Variants in MTTP observed in about 807,000 individuals in gnomAD.
MTTP encodes microsomal triglyceride transfer protein large subunit.
In MTTP, 49 loss-of-function variants were observed where a neutral mutation model predicts 90.6. That is an observed-to-expected ratio of 0.54 (90% confidence interval 0.43 to 0.69). The LOEUF is 0.69. Ranked by LOEUF, MTTP falls within the 30% of genes least tolerant of loss-of-function variation. The pLI is 0.00. For missense variants in MTTP, 945 were observed against 1,067.5 expected (o/e 0.89, Z 1.60); for synonymous variants, 347 against 384.2 (o/e 0.90, Z 1.13).
rs1196401146 is a variant in MTTP, at chr4:99,612,957, C to A, written c.2034C>A (p.Thr678=). The A allele has an allele frequency of 1.9e-6, 3 of 1,613,850 alleles. No individual in the cohort carries two copies. Among genetic ancestry groups the A allele is most frequent in the Non-Finnish European group, 2.5e-6 (3 of 1,179,944 alleles). ...GACTGGAAGCCTTAATCGCAGCCAC[C>A]CCTGACGAGGGGGAGGAGAACCTTG... ...AQGLEALIAA[T]PDEGEENLDS... is the part of the protein sequence containing the mutation. The change falls in exon 15 of 18, where the codon ACC becomes ACA. Residue 678 remains threonine (T), a synonymous_variant. Transcript: ENST00000265517.
chr4:99,622,896 C>A lies in MTTP; in HGVS notation c.*48C>A. The A allele has an allele frequency of 6.4e-7, 1 of 1,572,484 alleles. No individual in the cohort carries two copies. Among genetic ancestry groups the A allele is most frequent in the Non-Finnish European group, 8.8e-7 (1 of 1,142,314 alleles). Reference sequence around the variant, plus strand: ...TGAATTTGTCTCCCCGAAAGGGACACAATGTGGCATGACTAAGTACTTGCT... The same window carrying A: ...TGAATTTGTCTCCCCGAAAGGGACAAAATGTGGCATGACTAAGTACTTGCT... On this transcript the variant is annotated 3_prime_UTR_variant, in exon 18 of 18. Coordinates refer to ENST00000265517, the MANE Select transcript of MTTP (RefSeq NM_001386140.1).
At chr4:99,568,816 C>A (rs891483903) in intron 1 of MTTP, among the ~76,000 whole-genome samples, 1 of 152,044 alleles carries the variant, frequency 6.6e-6, no homozygotes, top group Admixed American at 6.5e-5. Flanking sequence ...ATTGTTGCAA[C>A]AAAGAAGGAT....
chr4:99,611,581 GC>G, intron 14 of MTTP, 128 bp downstream of exon 14: 1 of 1,338,992 alleles, frequency 7.5e-7, no homozygotes, highest in Non-Finnish European at 1.1e-6. Context: ...GTCATATTTT[GC>G]CCATGATTTC....
At position 99,589,758 on chromosome 4, in the gene MTTP, C is replaced by T. The variant is rs773537875; in HGVS notation, c.501+8C>T. On this transcript the variant is annotated splice_region_variant and intron_variant, in intron 4 of 17. Transcript: ENST00000265517. The stretch of plus-strand genomic sequence containing the variant: ...TCTGGAACCACCAATGAGGTACTTA[C>T]CAATATTAATAAGGATTCAGCATCT... The T allele has an allele frequency of 1.0e-5, 15 of 1,477,346 alleles. No homozygotes were observed. The South Asian group carries it at 1.7e-4, about 17-fold the overall frequency. 91.5% of individuals were successfully genotyped at this position (1,477,346 alleles called of 1,614,324 possible). A position where few individuals can be genotyped will look rare whatever the true frequency, so the allele number is the denominator to read the frequency against.
intron 1 of MTTP, among the ~76,000 whole-genome samples, chr4:99,568,376 G>A (rs904438294): frequency 4.6e-5 from 7 of 152,174 alleles, no homozygotes; most frequent in Middle Eastern, 6.8e-3. Context: ...GTGCAGAACT[G>A]GAACTTGAAA....
At chr4:99,598,104 A>G (rs1055419204) in intron 8 of MTTP, among the ~76,000 whole-genome samples, 6 of 152,224 alleles carry the variant, frequency 3.9e-5, no homozygotes, top group African/African-American at 7.2e-5. Flanking sequence ...TTTATGCTCA[A>G]TTGCATTTAT....
intron 6 of MTTP, among the ~76,000 whole-genome samples, 189 bp from the exon 7 acceptor site, chr4:99,594,544 A>C (rs960956920): frequency 6.6e-6 from 1 of 152,186 alleles, no homozygotes; most frequent in Non-Finnish European, 1.5e-5. Flanking sequence ...AAATCTTTTA[A>C]TATAATTGTT....
rs982424 is a variant in MTTP, at chr4:99,591,255, T to C, written c.522T>C (p.Cys174=). 130,223 of 1,611,970 alleles carry C rather than the reference T, an allele frequency of 0.081. 7,225 individuals are homozygous for C. The highest frequency in any genetic ancestry group is 0.25 in the African/African-American group (18,797 of 74,826). ...TTTAGGTAGATATCTCTGGAAATTG[T>C]AAAGTGACCTACCAGGCTCATCAAG... The part of the protein sequence containing the change: ...TTNEVDISGN[C]KVTYQAHQDK... Residue 174 remains cysteine (C), a synonymous_variant, in exon 5 of 18, where the codon TGT becomes TGC. Coordinates refer to ENST00000265517, the MANE Select transcript of MTTP (RefSeq NM_001386140.1).
At position 99,600,714 on chromosome 4, in the gene MTTP, A is replaced by T; in HGVS notation, c.1217A>T (p.Glu406Val). The T allele has an allele frequency of 6.2e-7, 1 of 1,613,768 alleles. No homozygotes were observed. Among genetic ancestry groups the T allele is most frequent in the Non-Finnish European group, 8.5e-7 (1 of 1,179,750 alleles). ...ACGFASHPNE[E>V]LLRALISKFK... is the part of the protein sequence containing the mutation. ...GGATTTGCTTCTCATCCCAATGAAG[A>T]ACTCCTGAGAGCCCTCATTGTAAGT... Residue 406 changes from glutamate (E) to valine (V), a missense_variant, in exon 9 of 18, where the codon GAA becomes GTA. Transcript: ENST00000265517.
chr4:99,588,179 C>G (rs1248140378), intron 3 of MTTP, among the ~76,000 whole-genome samples: 1 of 152,056 alleles, frequency 6.6e-6, no homozygotes, highest in Non-Finnish European at 1.5e-5. Flanking sequence ...TTCATGTAGA[C>G]TAAATTACTG....
chr4:99,592,029 G>C (rs1725437143), intron 6 of MTTP, among the ~76,000 whole-genome samples: 2 of 152,076 alleles, frequency 1.3e-5, no homozygotes, highest in South Asian at 4.1e-4. Flanking sequence ...ATATGGTATA[G>C]CCTATTGCTC....
chr4:99,607,391 T>C (rs1194461969), intron 11 of MTTP, among the ~76,000 whole-genome samples: 1 of 152,188 alleles, frequency 6.6e-6, no homozygotes, highest in Non-Finnish European at 1.5e-5. Context: ...CTGCCGAGAA[T>C]GGTGTTTCCA....
Position 99,621,049 on chromosome 4 carries a change from TCAAA to T in MTTP, c.2343-11_2343-8del. ...TATGAACAAGTTTTTTCTTTTTTTC[TCAAA>T]TGTTTAGGGTGACTGTGGTAATAAC... On this transcript the variant is annotated splice_polypyrimidine_tract_variant and splice_region_variant and intron_variant, in intron 16 of 17. Transcript: ENST00000265517. 1 of 1,613,534 alleles carries T rather than the reference TCAAA, an allele frequency of 6.2e-7. No individual in the cohort carries two copies. The highest frequency in any genetic ancestry group is 1.3e-5 in the African/African-American group (1 of 74,984).
intron 15 of MTTP, among the ~76,000 whole-genome samples, chr4:99,618,607 A>G (rs1368962247): frequency 1.3e-5 from 2 of 152,206 alleles, no homozygotes; most frequent in African/African-American, 4.8e-5. Context: ...AGTAGGTATG[A>G]AGGGGAACTT....
chr4:99,591,537 G>T (rs1164666123), intron 5 of MTTP, 114 bp from the exon 6 acceptor site: 19 of 1,228,740 alleles, frequency 1.5e-5, no homozygotes, highest in Non-Finnish European at 2.1e-5. Flanking sequence ...TAGTAATGAG[G>T]GATGGGTGTA....
intron 6 of MTTP, among the ~76,000 whole-genome samples, chr4:99,593,616 G>A (rs886200873): frequency 2.0e-5 from 3 of 152,094 alleles, no homozygotes; most frequent in Admixed American, 6.6e-5. Context: ...AGCAGTGAAT[G>A]TGTTATACCT....
At chr4:99,574,685 G>A, upstream of MTTP, 1 of 975,616 alleles carries the variant, frequency 1.0e-6, no homozygotes, top group Non-Finnish European at 1.6e-6. Flanking sequence ...TAAAAAGAGT[G>A]AGAGACTGAA....
rs147247356 is a variant in MTTP at position 99,613,749 on chromosome 4, T to C, written c.2217+609T>C. 2.2e-3 allele frequency among the ~76,000 whole-genome samples: 342 copies of C among 152,336 alleles called. 1 individual carries two copies. The highest frequency in any genetic ancestry group is 7.8e-3 in the African/African-American group (326 of 41,568). On this transcript the variant is annotated intron_variant, in intron 15 of 17. Transcript: ENST00000265517. ...ATTCTTCAAAATGGTTTTCAATTTT[T>C]TGTGGCCCGAAATCTTATGATACTG...
chr4:99,622,624 T>C (rs1726264486), intron 17 of MTTP, 53 bp from the exon 18 acceptor site: 2 of 1,581,110 alleles, frequency 1.3e-6, no homozygotes, highest in African/African-American at 1.3e-5. Flanking sequence ...TGGAGAGGTA[T>C]AGGGTGACTT....
Sources: allele counts gnomAD v4.1 joint callset (sites outside exome capture counted in the v4.1 genomes callset), GRCh38; gene constraint gnomAD v4.1.1; transcripts MANE v1.5; gene names NCBI Gene and HGNC (gene_info 2026-07-23, HGNC 2026-07-21).